INPP5A: variants seen among roughly 807,000 people sequenced by gnomAD.
INPP5A encodes 43 kDa inositol polyphosphate 5-phophatase.
INPP5A carries 14 observed loss-of-function variants against 65.2 expected under a neutral mutation model. That is an observed-to-expected ratio of 0.21 (90% CI 0.14 to 0.34). The LOEUF (loss-of-function observed/expected upper bound fraction) is 0.34, where lower values mean the gene tolerates loss of function less well. INPP5A is among the 10% of genes least tolerant of loss of function. The probability of loss-of-function intolerance (pLI) is 1.00; values close to 1 mark genes in which losing one functional copy is unlikely to be tolerated. For missense variants in INPP5A, 431 were observed against 545.6 expected (o/e 0.79, Z 2.09); for synonymous variants, 207 against 208.3 (o/e 0.99, Z 0.05).
chr10:132,642,075 G>C (rs959356614), intron 2 of INPP5A, among the ~76,000 whole-genome samples: 1 of 152,214 alleles, frequency 6.6e-6, no homozygotes, highest in Non-Finnish European at 1.5e-5. Context: ...AGAAAAGGAG[G>C]TTCACAAAGC....
intron 1 of INPP5A, among the ~76,000 whole-genome samples, chr10:132,544,500 A>G (rs1487032607): frequency 1.3e-5 from 2 of 151,908 alleles, no homozygotes; most frequent in African/African-American, 2.4e-5. Context: ...TGGGAGAATT[A>G]TGACCTGTTT....
chr10:132,602,289 C>T (rs1458017551), intron 1 of INPP5A, among the ~76,000 whole-genome samples: 1 of 152,056 alleles, frequency 6.6e-6, no homozygotes, highest in Non-Finnish European at 1.5e-5. Context: ...TATATCCTGC[C>T]ACGTTGCTGA....
intron 1 of INPP5A, among the ~76,000 whole-genome samples, chr10:132,593,436 A>G (rs1341086416): frequency 6.6e-6 from 1 of 152,204 alleles, no homozygotes; most frequent in Non-Finnish European, 1.5e-5. Context: ...CTTCTCCATC[A>G]TTCTTCCTTT....
intron 9 of INPP5A, among the ~76,000 whole-genome samples, chr10:132,728,367 G>A (rs1394494458): frequency 6.6e-6 from 1 of 152,210 alleles, no homozygotes; most frequent in East Asian, 1.9e-4. Context: ...CCACAGGCTC[G>A]GTGAGGGCTC....
rs1251464377 is a variant in INPP5A at position 132,555,231 on chromosome 10, A to C, written c.75+17060A>C. Among the ~76,000 whole-genome samples, 3 of 151,714 alleles carry C rather than the reference A, an allele frequency of 2.0e-5. No individual in the cohort carries two copies. Among genetic ancestry groups the C allele is most frequent in the African/African-American group, 7.3e-5 (3 of 41,260 alleles). ...GCTGCAGGCTGGGTGGTGATATGTG[A>C]TGGTGCTCAGGCCCCTGTTCCTTCA... On this transcript the variant is annotated intron_variant, in intron 1 of 15. Coordinates refer to ENST00000368594, the MANE Select transcript of INPP5A (RefSeq NM_005539.5). This position sits in a 1 kb window ranked among gnomAD's most constrained non-coding sequence, Gnocchi z 4.4.
intron 4 of INPP5A, among the ~76,000 whole-genome samples, chr10:132,656,090 T>G (rs1184141139): frequency 6.6e-5 from 10 of 152,250 alleles, no homozygotes; most frequent in East Asian, 1.9e-4. Flanking sequence ...CTGGGAGCTG[T>G]GAGCACTGCT....
intron 1 of INPP5A, among the ~76,000 whole-genome samples, chr10:132,597,445 G>A (rs2071717955): frequency 1.3e-5 from 2 of 152,188 alleles, no homozygotes; most frequent in South Asian, 2.1e-4. Flanking sequence ...TGTTGTGAAA[G>A]TGCTTACATT....
intron 7 of INPP5A, 75 bp from the exon 8 acceptor site, chr10:132,710,262 G>A: frequency 6.5e-7 from 1 of 1,549,932 alleles, no homozygotes; most frequent in Admixed American, 1.9e-5. Context: ...TCTTCCCGGG[G>A]ACTCCTTGGG....
At chr10:132,771,711 CATGAAGAGTGGG>C (rs1846954870) in intron 12 of INPP5A, among the ~76,000 whole-genome samples, 18 of 46,530 alleles carry the variant, frequency 3.9e-4, no homozygotes, top group African/African-American at 6.4e-4. Context: ...GCAGCCACCC[CATGAAGAGTGGG>C]ACAGACACTC....
rs572414942 is a variant in INPP5A, at chr10:132,550,779, A to G, written c.75+12608A>G. Among the ~76,000 whole-genome samples the G allele has an allele frequency of 1.3e-5, 2 of 152,338 alleles. No homozygotes were observed. Among genetic ancestry groups the G allele is most frequent in the African/African-American group, 2.4e-5 (1 of 41,580 alleles). ...GGCAGCCGCCAGAGTGTGAGGGGCCATGGTCGCTGACCTCGCCTCCTGTTG... is the reference window on the plus strand; with the variant it reads ...GGCAGCCGCCAGAGTGTGAGGGGCCGTGGTCGCTGACCTCGCCTCCTGTTG... On this transcript the variant is annotated intron_variant, in intron 1 of 15. Transcript: ENST00000368594. This position sits in a 1 kb window ranked among gnomAD's most constrained non-coding sequence, Gnocchi z 4.2.
intron 2 of INPP5A, among the ~76,000 whole-genome samples, chr10:132,612,899 G>A (rs2071978731): frequency 6.6e-6 from 1 of 152,178 alleles, no homozygotes; most frequent in Non-Finnish European, 1.5e-5. Flanking sequence ...CAGTGGGGAT[G>A]GGTCCTGGCT....
chr10:132,634,019 G>A (rs547181415), intron 2 of INPP5A, among the ~76,000 whole-genome samples: 1 of 152,282 alleles, frequency 6.6e-6, no homozygotes, highest in South Asian at 2.1e-4. Flanking sequence ...GACTATTTCA[G>A]TAGGTATTTC....
chr10:132,680,942 C>T (rs1421297133), intron 4 of INPP5A, among the ~76,000 whole-genome samples: 5 of 152,234 alleles, frequency 3.3e-5, no homozygotes, highest in Admixed American at 6.5e-5. Flanking sequence ...CCACCCGCTC[C>T]GTGGGCTCCT....
chr10:132,721,013 G>C (rs1241941616), intron 8 of INPP5A, among the ~76,000 whole-genome samples: 19 of 149,716 alleles, frequency 1.3e-4, no homozygotes, highest in African/African-American at 4.4e-4. Flanking sequence ...TTAGACGACT[G>C]TCTTCAGGGT....
chr10:132,718,443 G>A lies in INPP5A; in HGVS notation c.647+7987G>A, dbSNP rs541184826. ...TGTGGTACCTGGGTTCTGTCTGGGCGCCTTAGACGGCTGTCTTCAGGGTTC... is the reference window on the plus strand; with the variant it reads ...TGTGGTACCTGGGTTCTGTCTGGGCACCTTAGACGGCTGTCTTCAGGGTTC... On this transcript the variant is annotated intron_variant, in intron 8 of 15. Transcript: ENST00000368594. Among the ~76,000 whole-genome samples, 85 of 137,108 alleles carry A rather than the reference G, an allele frequency of 6.2e-4. 1 individual carries two copies. Among genetic ancestry groups the A allele is most frequent in the Non-Finnish European group, 9.6e-4 (61 of 63,508 alleles). The allele number at this position is 137,108 out of a possible 152,430, so 89.9% of individuals were successfully genotyped here. A position where few individuals can be genotyped will look rare whatever the true frequency, so the allele number is the denominator to read the frequency against.
At chr10:132,634,671 G>A (rs186719978) in intron 2 of INPP5A, among the ~76,000 whole-genome samples, 1 of 152,332 alleles carries the variant, frequency 6.6e-6, no homozygotes, top group East Asian at 1.9e-4. Context: ...TGTGTTTTTT[G>A]TTATTAGCCA....
chr10:132,716,160 C>T (rs1007594198), intron 8 of INPP5A, among the ~76,000 whole-genome samples: 1 of 152,250 alleles, frequency 6.6e-6, no homozygotes, highest in African/African-American at 2.4e-5. Flanking sequence ...GCCACGCACC[C>T]TGCACGTTCT....
chr10:132,552,175 A>G (rs1277612537), intron 1 of INPP5A, among the ~76,000 whole-genome samples: 3 of 132,392 alleles, frequency 2.3e-5, no homozygotes, highest in Non-Finnish European at 3.2e-5. Flanking sequence ...GGGAGGGAGG[A>G]TTGGTGAATG....
At chr10:132,539,070 A>C (rs984440468) in intron 1 of INPP5A, among the ~76,000 whole-genome samples, 1 of 151,946 alleles carries the variant, frequency 6.6e-6, no homozygotes, top group African/African-American at 2.4e-5. Context: ...TTCCTCCAAC[A>C]AGCTCCTGCC....
Sources: allele counts gnomAD v4.1 joint callset (sites outside exome capture counted in the v4.1 genomes callset), GRCh38; gene constraint gnomAD v4.1.1; non-coding constraint Gnocchi (gnomAD v3.1); transcripts MANE v1.5; gene names NCBI Gene and HGNC (gene_info 2026-07-23, HGNC 2026-07-21).